The following DLGAP2 variants were observed in gnomAD, a reference collection of about 807,000 sequenced individuals.
The protein encoded by DLGAP2 is disks large-associated protein 2.
In DLGAP2, 26 loss-of-function variants were observed where a neutral mutation model predicts 100.3. The observed-to-expected ratio is 0.26, with a 90% confidence interval of 0.19 to 0.36. DLGAP2 has a LOEUF of 0.36. Among genes scored for constraint, DLGAP2 ranks in the 10% least tolerant of loss-of-function variants. The pLI, the probability that DLGAP2 is intolerant of heterozygous loss-of-function variation, is 1.00. For synonymous variants in DLGAP2, 886 were observed against 630.1 expected (o/e 1.41, Z -6.08); for missense variants, 1,858 against 1,453.2 (o/e 1.28, Z -4.53).
At chr8:867,296 A>T (rs1227736963) in intron 1 of DLGAP2, among the ~76,000 whole-genome samples, 1 of 152,210 alleles carries the variant, frequency 6.6e-6, no homozygotes, top group East Asian at 1.9e-4. Context: ...TGTTGAACTC[A>T]AGTATGTATA....
At chr8:879,277 T>A (rs539262411) in intron 1 of DLGAP2, among the ~76,000 whole-genome samples, 2 of 152,324 alleles carry the variant, frequency 1.3e-5, no homozygotes, top group South Asian at 2.1e-4. Context: ...CTCTGGGCAA[T>A]AATTTGTGAA....
At chr8:1,031,014 G>GA (rs754030052) in intron 2 of DLGAP2, among the ~76,000 whole-genome samples, 1 of 152,232 alleles carries the variant, frequency 6.6e-6, no homozygotes, top group Non-Finnish European at 1.5e-5. Context: ...ATATTTTTTA[G>GA]AAAAGGTTGT....
intron 3 of DLGAP2, among the ~76,000 whole-genome samples, chr8:1,466,615 A>G (rs925066112): frequency 6.6e-6 from 1 of 152,158 alleles, no homozygotes; most frequent in African/African-American, 2.4e-5. Flanking sequence ...TCAGGTGCCG[A>G]GAACTTACCT....
chr8:1,072,104 G>C (rs887420069), intron 2 of DLGAP2, among the ~76,000 whole-genome samples: 6 of 152,192 alleles, frequency 3.9e-5, no homozygotes, highest in African/African-American at 1.2e-4. Flanking sequence ...CTTAGAGTTA[G>C]TTGTGCCACC....
chr8:1,575,239 G>T (rs933954782), intron 6 of DLGAP2, among the ~76,000 whole-genome samples: 3 of 152,098 alleles, frequency 2.0e-5, no homozygotes, highest in Admixed American at 2.0e-4. Flanking sequence ...GCAAACGTGG[G>T]AAGGCAGACG....
At chr8:974,229 A>G (rs1466981876) in intron 2 of DLGAP2, among the ~76,000 whole-genome samples, 1 of 152,254 alleles carries the variant, frequency 6.6e-6, no homozygotes, top group African/African-American at 2.4e-5. Flanking sequence ...TTCAAACTAT[A>G]GAAAATCAAA....
At chr8:1,462,050 G>A (rs1798476352) in intron 3 of DLGAP2, among the ~76,000 whole-genome samples, 1 of 71,930 alleles carries the variant, frequency 1.4e-5, no homozygotes, top group Non-Finnish European at 2.5e-5. Flanking sequence ...GCCAGGAGGA[G>A]GGAGAAGGGC....
intron 4 of DLGAP2, among the ~76,000 whole-genome samples, chr8:1,535,786 G>T (rs780057334): frequency 6.6e-6 from 1 of 152,168 alleles, no homozygotes; most frequent in Non-Finnish European, 1.5e-5. Context: ...GTTGAGCATC[G>T]ATGTGTGCCA....
chr8:1,029,311 T>C (rs928190609), intron 2 of DLGAP2, among the ~76,000 whole-genome samples: 6 of 151,922 alleles, frequency 3.9e-5, no homozygotes, highest in African/African-American at 1.2e-4. Flanking sequence ...GCGAGAAGAG[T>C]ACAACCTGGG....
chr8:1,154,899 G>A (rs572958148), intron 2 of DLGAP2, among the ~76,000 whole-genome samples: 1 of 152,312 alleles, frequency 6.6e-6, no homozygotes, highest in East Asian at 1.9e-4. Context: ...TGGACGCGCA[G>A]TGTCCTCGGC....
chr8:1,057,052 T>G (rs1370427257), intron 2 of DLGAP2, among the ~76,000 whole-genome samples: 1 of 152,212 alleles, frequency 6.6e-6, no homozygotes, highest in Non-Finnish European at 1.5e-5. Context: ...CACCCGCAGT[T>G]TGAGGAACTA....
chr8:1,114,910 T>A (rs1255715321), intron 2 of DLGAP2, among the ~76,000 whole-genome samples: 1 of 152,234 alleles, frequency 6.6e-6, no homozygotes, highest in Non-Finnish European at 1.5e-5. Flanking sequence ...TTCTTATCAG[T>A]TTCAAAGAAC....
At chr8:1,077,024 C>G (rs928141940) in intron 2 of DLGAP2, among the ~76,000 whole-genome samples, 4 of 147,708 alleles carry the variant, frequency 2.7e-5, no homozygotes, top group Non-Finnish European at 4.5e-5. Flanking sequence ...GAGTCTGTCC[C>G]GGGCCCCCCC....
intron 2 of DLGAP2, among the ~76,000 whole-genome samples, chr8:1,190,589 A>C (rs1471114057): frequency 6.6e-6 from 1 of 152,134 alleles, no homozygotes; most frequent in Non-Finnish European, 1.5e-5. Flanking sequence ...CGCCTGTCGC[A>C]ATCAGCATTG....
At chr8:1,382,334 CCA>C (rs1376469325) in intron 3 of DLGAP2, among the ~76,000 whole-genome samples, 1 of 152,224 alleles carries the variant, frequency 6.6e-6, no homozygotes, top group Non-Finnish European at 1.5e-5. Flanking sequence ...GGGGTTGTTC[CCA>C]CAGTCTCAGG....
intron 3 of DLGAP2, among the ~76,000 whole-genome samples, chr8:1,356,274 G>A (rs1396798092): frequency 6.6e-6 from 1 of 152,232 alleles, no homozygotes; most frequent in South Asian, 2.1e-4. Context: ...CCTGCTGTCA[G>A]CTGTCCTCTG....
intron 2 of DLGAP2, among the ~76,000 whole-genome samples, chr8:1,062,679 T>C (rs1454722440): frequency 6.6e-6 from 1 of 152,180 alleles, no homozygotes; most frequent in East Asian, 1.9e-4. Flanking sequence ...GTCTTGCCTT[T>C]CTTATAAGTA....
intron 10 of DLGAP2, among the ~76,000 whole-genome samples, chr8:1,675,205 A>G (rs1798783610): frequency 6.6e-6 from 1 of 152,200 alleles, no homozygotes; most frequent in South Asian, 2.1e-4. Context: ...CCCTGGATCC[A>G]CGGCGGCGGC....
chr8:1,439,889 G>C (rs1277786146), intron 3 of DLGAP2, among the ~76,000 whole-genome samples: 1 of 152,100 alleles, frequency 6.6e-6, no homozygotes, highest in Non-Finnish European at 1.5e-5. Flanking sequence ...GACTGTTGAT[G>C]GGCTGAATGT....
Sources: allele counts gnomAD v4.1 joint callset (sites outside exome capture counted in the v4.1 genomes callset), GRCh38; gene constraint gnomAD v4.1.1; transcripts MANE v1.5; gene names NCBI Gene and HGNC (gene_info 2026-07-23, HGNC 2026-07-21).